The following CFAP97D2 variants were observed in gnomAD, a reference collection of about 807,000 sequenced individuals.
CFAP97D2 encodes CFAP97 domain containing 2.
intron 2 of CFAP97D2, chr13:114,199,799 T>C (rs1594517576): frequency 6.9e-6 from 1 of 145,558 alleles, no homozygotes; most frequent in East Asian, 2.1e-4. Context: ...CGGTCCCCGC[T>C]GAGGCGTGAC....
chr13:114,195,954 G>A (rs1429882691), intron 1 of CFAP97D2, among the ~76,000 whole-genome samples: 2 of 151,654 alleles, frequency 1.3e-5, no homozygotes, highest in Non-Finnish European at 2.9e-5. Context: ...ATGGTGGCGG[G>A]CGCCTGTAGT....
chr13:114,213,605 C>A (rs947420364), intron 4 of CFAP97D2, among the ~76,000 whole-genome samples: 1 of 143,510 alleles, frequency 7.0e-6, no homozygotes, highest in South Asian at 2.4e-4. Context: ...TGTGGAAGCT[C>A]CAGGACCACG....
At chr13:114,219,595 C>T (rs1442759309) in intron 4 of CFAP97D2, among the ~76,000 whole-genome samples, 1 of 152,198 alleles carries the variant, frequency 6.6e-6, no homozygotes, top group East Asian at 1.9e-4. Context: ...AGCCACAGAC[C>T]AGTCACTGCA....
intron 4 of CFAP97D2, among the ~76,000 whole-genome samples, chr13:114,216,501 T>A (rs1260980885): frequency 1.3e-5 from 2 of 152,136 alleles, no homozygotes; most frequent in African/African-American, 4.8e-5. Flanking sequence ...CCATGTGTTC[T>A]CATTGTTCAA....
chr13:114,213,142 T>G (rs2080975746), intron 4 of CFAP97D2, among the ~76,000 whole-genome samples: 1 of 152,216 alleles, frequency 6.6e-6, no homozygotes, highest in Non-Finnish European at 1.5e-5. Flanking sequence ...TCGCTTTACC[T>G]GTATATATAA....
Position 114,203,795 on chromosome 13 carries a change from C to T in CFAP97D2, c.290+3352C>T, listed in dbSNP as rs982656802. 1.3e-5 allele frequency among the ~76,000 whole-genome samples: 2 copies of T among 152,162 alleles called. No individual in the cohort carries two copies. The highest frequency in any genetic ancestry group is 1.3e-4 in the Admixed American group (2 of 15,276). ...GTGCAGACAAGGCCCTGGGCAGGTT[C>T]CCTCATCTGCACAAAAGCATCTGGT... On this transcript the variant is annotated intron_variant, in intron 3 of 4. Transcript: ENST00000646158. This position sits in a 1 kb window ranked among gnomAD's most constrained non-coding sequence, Gnocchi z 4.3.
At chr13:114,198,138 C>T (rs551858675) in intron 2 of CFAP97D2, among the ~76,000 whole-genome samples, 1 of 152,216 alleles carries the variant, frequency 6.6e-6, no homozygotes, top group African/African-American at 2.4e-5. Context: ...CAGGCCCGCA[C>T]CACCACGCCC....
Position 114,187,083 on chromosome 13 carries a change from C to T in CFAP97D2, c.90+7663C>T, listed in dbSNP as rs1057366590. Among the ~76,000 whole-genome samples, 39 of 152,184 alleles carry T rather than the reference C, an allele frequency of 2.6e-4. 1 individual carries two copies. The highest frequency in any genetic ancestry group is 8.7e-4 in the African/African-American group (36 of 41,434). On this transcript the variant is annotated intron_variant, in intron 1 of 4. Coordinates refer to ENST00000646158, the Ensembl canonical transcript of CFAP97D2. This position sits in a 1 kb window ranked among gnomAD's most constrained non-coding sequence, Gnocchi z 4.2. Reference sequence around the variant, plus strand: ...TTGTAATATAAGTTACTCACACTACCTGTTAAGCAATATAGTGTTATTTGA... The same window carrying T: ...TTGTAATATAAGTTACTCACACTACTTGTTAAGCAATATAGTGTTATTTGA...
chr13:114,186,791 G>A lies in CFAP97D2; in HGVS notation c.90+7371G>A, dbSNP rs2080854399. On this transcript the variant is annotated intron_variant, in intron 1 of 4. Transcript: ENST00000646158. This position sits in a 1 kb window ranked among gnomAD's most constrained non-coding sequence, Gnocchi z 4.3. ...GCTGCCCATCTCACTGCAGCAGCTG[G>A]CATGACTGGCTGTGCAGTGACTGGA... Among the ~76,000 whole-genome samples, 2 of 152,210 alleles carry A rather than the reference G, an allele frequency of 1.3e-5. No individual in the cohort carries two copies. The highest frequency in any genetic ancestry group is 2.4e-5 in the African/African-American group (1 of 41,446).
rs1278772543 is a variant in CFAP97D2 at position 114,186,225 on chromosome 13, C to A, written c.90+6805C>A. Among the ~76,000 whole-genome samples the A allele has an allele frequency of 6.6e-6, 1 of 151,916 alleles. No homozygotes were observed. The highest frequency in any genetic ancestry group is 1.5e-5 in the Non-Finnish European group (1 of 67,936). The stretch of plus-strand genomic sequence containing the variant: ...AGCTACAGAGGGGAGCTGCACACCC[C>A]AAGGTCTCCTCTCTGCTGAGAGCTG... On this transcript the variant is annotated intron_variant, in intron 1 of 4. Transcript: ENST00000646158. The surrounding 1 kb of genome is among the most constrained non-coding windows in gnomAD (Gnocchi z 4.3).
At chr13:114,200,997 G>T (rs2080915722) in intron 3 of CFAP97D2, among the ~76,000 whole-genome samples, 1 of 152,170 alleles carries the variant, frequency 6.6e-6, no homozygotes, top group Admixed American at 6.5e-5. Flanking sequence ...CCTGCATCCT[G>T]TGTGGGTCCC....
In CFAP97D2 at chr13:114,183,068, C is replaced by A. The variant is rs578257640; in HGVS notation, c.90+3648C>A. On this transcript the variant is annotated intron_variant, in intron 1 of 4. Coordinates refer to ENST00000646158, the Ensembl canonical transcript of CFAP97D2. ...GGATGGGCTTGTTAGTAGACTGGCACTCCTGAGGAAAGAATCCCTGAGCTT... is the reference window on the plus strand; with the variant it reads ...GGATGGGCTTGTTAGTAGACTGGCAATCCTGAGGAAAGAATCCCTGAGCTT... 3.3e-5 allele frequency among the ~76,000 whole-genome samples: 5 copies of A among 152,274 alleles called. No individual in the cohort carries two copies. In the East Asian group the frequency reaches 9.6e-4, roughly 29 times the overall value.
chr13:114,216,247 T>C (rs528159761), intron 4 of CFAP97D2, among the ~76,000 whole-genome samples: 1 of 152,330 alleles, frequency 6.6e-6, no homozygotes, highest in South Asian at 2.1e-4. Context: ...TCACCTCCAC[T>C]GCCCTCCTCC....
chr13:114,219,731 A>C (rs2081011697), intron 4 of CFAP97D2, among the ~76,000 whole-genome samples: 1 of 152,236 alleles, frequency 6.6e-6, no homozygotes, highest in African/African-American at 2.4e-5. Context: ...CTGTACCTGG[A>C]CAAAAACGGG....
At position 114,222,298 on chromosome 13, in the gene CFAP97D2, A is replaced by G. The variant is rs148442403; in HGVS notation, c.481-200A>G. On this transcript the variant is annotated intron_variant, in intron 4 of 4. Coordinates refer to ENST00000646158, the Ensembl canonical transcript of CFAP97D2. This position sits in a 1 kb window ranked among gnomAD's most constrained non-coding sequence, Gnocchi z 4.4. ...TGTGACAATAGTTGCACAACTCTGA[A>G]TATACCAAAACACACTAAAATATAC... Among the ~76,000 whole-genome samples, 329 of 152,316 alleles carry G rather than the reference A, an allele frequency of 2.2e-3. 2 individuals carry two copies. The highest frequency in any genetic ancestry group is 7.4e-3 in the African/African-American group (306 of 41,572).
chr13:114,190,727 A>G (rs1364822425), intron 1 of CFAP97D2, among the ~76,000 whole-genome samples: 2 of 152,242 alleles, frequency 1.3e-5, no homozygotes, highest in African/African-American at 4.8e-5. Flanking sequence ...GATTCAATGC[A>G]ATCCCAATAA....
intron 2 of CFAP97D2, among the ~76,000 whole-genome samples, chr13:114,197,032 T>A (rs117205603): frequency 0.011 from 1,743 of 152,292 alleles, 97 homozygotes; most frequent in Admixed American, 0.081. Flanking sequence ...CAAGGGGTTG[T>A]GGAGACCGAA....
intron 4 of CFAP97D2, among the ~76,000 whole-genome samples, chr13:114,220,420 A>T (rs2081016268): frequency 6.6e-6 from 1 of 152,194 alleles, no homozygotes; most frequent in South Asian, 2.1e-4. Flanking sequence ...TCTCCTGGAT[A>T]TCTCAATCTG....
chr13:114,217,478 C>G (rs1338619811), intron 4 of CFAP97D2, among the ~76,000 whole-genome samples: 2 of 151,896 alleles, frequency 1.3e-5, no homozygotes, highest in African/African-American at 2.4e-5. Flanking sequence ...CTTTCTGAAA[C>G]TATTCCAATC....
Sources: allele counts gnomAD v4.1 joint callset (sites outside exome capture counted in the v4.1 genomes callset), GRCh38; gene constraint gnomAD v4.1.1; non-coding constraint Gnocchi (gnomAD v3.1); transcripts MANE v1.5; gene names NCBI Gene and HGNC (gene_info 2026-07-23, HGNC 2026-07-21).